The following LHFPL3 variants were observed in gnomAD, a reference collection of about 807,000 sequenced individuals.
LHFPL3 encodes LHFPL tetraspan subfamily member 3 protein.
Under a neutral mutation model 19.3 loss-of-function variants are expected in LHFPL3, and 5 were observed. The ratio of observed to expected loss-of-function variants is 0.26; its 90% CI spans 0.14 to 0.54. The LOEUF (loss-of-function observed/expected upper bound fraction) is 0.54. LHFPL3 is among the 20% of genes least tolerant of loss of function. The pLI, the probability that LHFPL3 is intolerant of heterozygous loss-of-function variation, is 0.94. For missense variants in LHFPL3, 249 were observed against 307.4 expected, an observed-to-expected ratio of 0.81 and a Z score of 1.42; for synonymous variants, 133 against 126.2, an observed-to-expected ratio of 1.05 and a Z score of -0.36.
chr7:104,712,378 G>A (rs1449732605), intron 1 of LHFPL3, among the ~76,000 whole-genome samples: 1 of 152,138 alleles, frequency 6.6e-6, no homozygotes, highest in Non-Finnish European at 1.5e-5. Flanking sequence ...TCTTTTTGTT[G>A]TATCCTCACA....
intron 1 of LHFPL3, chr7:104,669,239 C>G (rs1358372155): frequency 1.2e-6 from 2 of 1,613,916 alleles, no homozygotes; most frequent in Non-Finnish European, 1.7e-6. Context: ...AGCTCAGACA[C>G]AGAGCAGCAA....
rs114993425 is a variant in LHFPL3, at chr7:104,716,824, C to T, written c.446-19851C>T. ...TTTTTTTACAAAAATAGAAAAACCACTTATACAATTCACATGGAACCATGA... is the reference window on the plus strand; with the variant it reads ...TTTTTTTACAAAAATAGAAAAACCATTTATACAATTCACATGGAACCATGA... On this transcript the variant is annotated intron_variant, in intron 1 of 2. Transcript: ENST00000424859. Among the ~76,000 whole-genome samples the T allele has an allele frequency of 3.0e-3, 462 of 152,248 alleles. 2 individuals are homozygous for T. The highest frequency in any genetic ancestry group is 0.01 in the African/African-American group (427 of 41,550).
At chr7:104,832,983 G>A (rs552596966) in intron 2 of LHFPL3, among the ~76,000 whole-genome samples, 3 of 12,832 alleles carry the variant, frequency 2.3e-4, no homozygotes, top group East Asian at 2.0e-3. Flanking sequence ...TATATCCTGG[G>A]TTATAGGACA....
chr7:104,587,189 A>G (rs1031374823), intron 1 of LHFPL3, among the ~76,000 whole-genome samples: 5 of 152,198 alleles, frequency 3.3e-5, no homozygotes, highest in Admixed American at 1.3e-4. Flanking sequence ...TTACATATGT[A>G]TACATGTGCC....
chr7:104,330,021 A>C (rs1480531026), intron 1 of LHFPL3, among the ~76,000 whole-genome samples: 1 of 152,186 alleles, frequency 6.6e-6, no homozygotes, highest in African/African-American at 2.4e-5. Context: ...ATCTCCGATC[A>C]CTCTTTCCCT....
chr7:104,557,568 A>C (rs998130340), intron 1 of LHFPL3, among the ~76,000 whole-genome samples: 11 of 152,170 alleles, frequency 7.2e-5, no homozygotes, highest in Admixed American at 4.6e-4. Context: ...TCAAGATGAG[A>C]TTTGGGTGGG....
chr7:104,856,120 G>C (rs1791501040), intron 2 of LHFPL3, among the ~76,000 whole-genome samples: 1 of 152,038 alleles, frequency 6.6e-6, no homozygotes, highest in Non-Finnish European at 1.5e-5. Context: ...AGTAACCCCG[G>C]GAGTTTCTCA....
At chr7:104,688,927 A>G (rs1052047315) in intron 1 of LHFPL3, among the ~76,000 whole-genome samples, 4 of 152,176 alleles carry the variant, frequency 2.6e-5, no homozygotes, top group African/African-American at 9.7e-5. Context: ...GACTGAATTT[A>G]TTGATATGGG....
chr7:104,580,617 A>G (rs755742279), intron 1 of LHFPL3, among the ~76,000 whole-genome samples: 19 of 152,120 alleles, frequency 1.2e-4, no homozygotes, highest in Non-Finnish European at 2.5e-4. Flanking sequence ...GAATTTTGAC[A>G]AATTGGCACT....
chr7:104,787,847 A>G (rs182831219), intron 2 of LHFPL3, among the ~76,000 whole-genome samples: 1 of 152,254 alleles, frequency 6.6e-6, no homozygotes, highest in Admixed American at 6.5e-5. Context: ...TCTCCTTTAT[A>G]AGAACACTAA....
intron 1 of LHFPL3, among the ~76,000 whole-genome samples, chr7:104,718,553 T>C (rs1793433868): frequency 6.6e-6 from 1 of 152,140 alleles, no homozygotes; most frequent in Admixed American, 6.6e-5. Context: ...CTCAGCATCG[T>C]GGTAAGCCAG....
intron 2 of LHFPL3, among the ~76,000 whole-genome samples, chr7:104,750,523 A>G (rs994268378): frequency 1.3e-5 from 2 of 152,268 alleles, no homozygotes; most frequent in African/African-American, 2.4e-5. Flanking sequence ...TGAATCAACC[A>G]CACCAATATG....
intron 1 of LHFPL3, among the ~76,000 whole-genome samples, chr7:104,656,317 A>G (rs997285117): frequency 6.6e-6 from 1 of 152,136 alleles, no homozygotes; most frequent in African/African-American, 2.4e-5. Context: ...GTGATCCATT[A>G]GCCTAGTGAG....
At chr7:104,814,829 G>A (rs1349088613) in intron 2 of LHFPL3, among the ~76,000 whole-genome samples, 1 of 151,706 alleles carries the variant, frequency 6.6e-6, no homozygotes, top group African/African-American at 2.4e-5. Flanking sequence ...TGGCCGGGCT[G>A]GGTCCTGACT....
At chr7:104,476,640 A>G (rs980380019) in intron 1 of LHFPL3, among the ~76,000 whole-genome samples, 1 of 152,008 alleles carries the variant, frequency 6.6e-6, no homozygotes, top group Non-Finnish European at 1.5e-5. Context: ...TTGTATTTTC[A>G]GTAGAGACGG....
chr7:104,733,247 G>C (rs1407545872), intron 1 of LHFPL3, among the ~76,000 whole-genome samples: 1 of 152,148 alleles, frequency 6.6e-6, no homozygotes, highest in Non-Finnish European at 1.5e-5. Context: ...GGTCTGCTTG[G>C]TACAGAGCTG....
At chr7:104,513,667 T>G (rs1793865458) in intron 1 of LHFPL3, among the ~76,000 whole-genome samples, 1 of 152,194 alleles carries the variant, frequency 6.6e-6, no homozygotes, top group Non-Finnish European at 1.5e-5. Context: ...CCTCCTAGTA[T>G]TCACCCTCCT....
intron 1 of LHFPL3, among the ~76,000 whole-genome samples, chr7:104,368,800 G>T (rs1271379216): frequency 6.6e-6 from 1 of 152,106 alleles, no homozygotes; most frequent in Non-Finnish European, 1.5e-5. Flanking sequence ...GTTCTGCACT[G>T]ATATTAATTT....
chr7:104,554,223 T>TC (rs1255875684), intron 1 of LHFPL3, among the ~76,000 whole-genome samples: 1 of 152,208 alleles, frequency 6.6e-6, no homozygotes, highest in Admixed American at 6.5e-5. Context: ...GTTGGCATCC[T>TC]CTTCCTAATC....
Sources: allele counts gnomAD v4.1 joint callset (sites outside exome capture counted in the v4.1 genomes callset), GRCh38; gene constraint gnomAD v4.1.1; transcripts MANE v1.5; gene names NCBI Gene and HGNC (gene_info 2026-07-23, HGNC 2026-07-21).